DAB2IP: variants seen among roughly 807,000 people sequenced by gnomAD.
DAB2IP encodes DAB2 interacting protein.
DAB2IP carries 28 observed loss-of-function variants against 107.2 expected under a neutral mutation model. That is an observed-to-expected ratio of 0.26 (90% CI 0.19 to 0.36). DAB2IP has a LOEUF of 0.36. DAB2IP is among the 10% of genes least tolerant of loss of function. The pLI is 1.00. For missense variants in DAB2IP, 1,400 were observed against 1,644.7 expected, an observed-to-expected ratio of 0.85 and a Z score of 2.57; for synonymous variants, 755 against 706.4, an observed-to-expected ratio of 1.07 and a Z score of -1.09.
In DAB2IP at chr9:121,760,326, A is replaced by G. The variant is rs1221752941; in HGVS notation, c.1057A>G (p.Thr353Ala). The stretch of plus-strand genomic sequence containing the variant: ...GTACAAAGAGTTCGCTGAGCACATC[A>G]CCAACCACTACCTGGGGCTGTGTGC... Residue 353 changes from threonine to alanine, a missense_variant, in exon 6 of 16, where the codon ACC (threonine) becomes GCC (alanine). By Grantham distance (58) the Thr-to-Ala change is moderately conservative. Transcript: ENST00000408936. The surrounding 1 kb of genome is among the most constrained non-coding windows in gnomAD (Gnocchi z 5.9). 6.2e-7 allele frequency: 1 copy of G among 1,613,310 alleles called. No homozygotes were observed. Among genetic ancestry groups the G allele is most frequent in the Non-Finnish European group, 8.5e-7 (1 of 1,180,026 alleles).
At chr9:121,629,262 GA>G (rs1266010546) in intron 1 of DAB2IP, among the ~76,000 whole-genome samples, 2 of 152,226 alleles carry the variant, frequency 1.3e-5, no homozygotes, top group Non-Finnish European at 2.9e-5. Flanking sequence ...TTGAGGGCAT[GA>G]CCCAAGTTGG....
chr9:121,592,120 C>G (rs1197631258), intron 1 of DAB2IP, among the ~76,000 whole-genome samples: 3 of 152,172 alleles, frequency 2.0e-5, no homozygotes, highest in Admixed American at 6.5e-5. Flanking sequence ...ATAATCCCAG[C>G]ACTTTGGGAG....
At chr9:121,734,383 C>CA (rs552116079) in intron 3 of DAB2IP, among the ~76,000 whole-genome samples, 1,480 of 56,536 alleles carry the variant, frequency 0.026, 60 homozygotes, top group African/African-American at 0.078. Flanking sequence ...GACTCCGTCT[C>CA]AAAAAAAAAA....
chr9:121,766,486 C>G lies in DAB2IP; in HGVS notation c.1461-8C>G, dbSNP rs755926495. 6.2e-7 allele frequency: 1 copy of G among 1,603,178 alleles called. No homozygotes were observed. The highest frequency in any genetic ancestry group is 1.1e-5 in the South Asian group (1 of 91,042). ...CAGCCAAGCCCACCTTTGTCTGTCC[C>G]TACACAGTGTCTTCCCACGGGAGTT... On this transcript the variant is annotated splice_polypyrimidine_tract_variant and splice_region_variant and intron_variant, in intron 8 of 15. Transcript: ENST00000408936.
upstream of DAB2IP, among the ~76,000 whole-genome samples, chr9:121,647,002 A>G (rs1236291934): frequency 6.6e-6 from 1 of 152,116 alleles, no homozygotes; most frequent in Non-Finnish European, 1.5e-5. Context: ...TGTGGGTAGA[A>G]TGCTGAGAAC....
intron 1 of DAB2IP, among the ~76,000 whole-genome samples, chr9:121,637,672 C>T (rs1182951359): frequency 1.3e-5 from 2 of 152,186 alleles, no homozygotes; most frequent in South Asian, 2.1e-4. Flanking sequence ...CTTGGAATTC[C>T]GCGTTGCCTG....
intron 3 of DAB2IP, among the ~76,000 whole-genome samples, chr9:121,741,848 C>T (rs1437586153): frequency 6.6e-6 from 1 of 150,896 alleles, no homozygotes; most frequent in Non-Finnish European, 1.5e-5. Flanking sequence ...TCTCGGCAAT[C>T]CTATGAGGTA....
At chr9:121,683,407 T>C (rs761203176) in intron 2 of DAB2IP, among the ~76,000 whole-genome samples, 2 of 151,974 alleles carry the variant, frequency 1.3e-5, no homozygotes, top group Non-Finnish European at 2.9e-5. Context: ...CCCCCTCCCA[T>C]CAACCTTGAG....
intron 1 of DAB2IP, among the ~76,000 whole-genome samples, chr9:121,590,147 T>G (rs1830397006): frequency 6.6e-6 from 1 of 151,660 alleles, no homozygotes; most frequent in Non-Finnish European, 1.5e-5. Flanking sequence ...TCTGACATCA[T>G]CTCATTCTCT....
intron 3 of DAB2IP, among the ~76,000 whole-genome samples, chr9:121,729,396 T>C (rs1346180380): frequency 6.6e-6 from 1 of 152,202 alleles, no homozygotes; most frequent in Admixed American, 6.5e-5. Flanking sequence ...AATTTGGGGC[T>C]GGGCAGGAGG....
rs1829669624 is a variant in DAB2IP at position 121,699,810 on chromosome 9, G to A, written c.362+352G>A. On this transcript the variant is annotated intron_variant, in intron 3 of 15. Transcript: ENST00000408936. The surrounding 1 kb of genome is among the most constrained non-coding windows in gnomAD (Gnocchi z 6.2). Reference sequence around the variant, plus strand: ...GGTGCCCGAACCGGGGACGGAAGTGGGGCCTCTGCCGCCAGGACCCATCCC... The same window carrying A: ...GGTGCCCGAACCGGGGACGGAAGTGAGGCCTCTGCCGCCAGGACCCATCCC... Among the ~76,000 whole-genome samples, 1 of 152,214 alleles carries A rather than the reference G, an allele frequency of 6.6e-6. No homozygotes were observed. The highest frequency in any genetic ancestry group is 2.4e-5 in the African/African-American group (1 of 41,470).
At chr9:121,743,893 C>T (rs1832531660) in intron 3 of DAB2IP, among the ~76,000 whole-genome samples, 1 of 152,220 alleles carries the variant, frequency 6.6e-6, no homozygotes, top group Non-Finnish European at 1.5e-5. Context: ...ACGCAGACAT[C>T]CACTGCCGGC....
chr9:121,783,550 A>G (rs1269424750), exon 16 of DAB2IP: 2 of 1,614,020 alleles, frequency 1.2e-6, no homozygotes, highest in Non-Finnish European at 1.7e-6. Flanking sequence ...CATTAGAAAC[A>G]AAAGCCCGCT....
intron 3 of DAB2IP, among the ~76,000 whole-genome samples, chr9:121,706,551 G>T (rs541590276): frequency 3.6e-4 from 55 of 152,170 alleles, no homozygotes; most frequent in Non-Finnish European, 6.2e-4. Context: ...CCCTGCCTCT[G>T]TGTGACTATG....
chr9:121,651,699 CG>C lies in DAB2IP; in HGVS notation c.-76del. ...GAGCGCGGGAGAACGCGTGGGCGCC[CG>C]CCGGGCTGTCCGGAGCGGCCGATGG... On this transcript the variant is annotated 5_prime_UTR_variant, in exon 1 of 16. Coordinates refer to ENST00000408936, the Ensembl canonical transcript of DAB2IP. The surrounding 1 kb of genome is among the most constrained non-coding windows in gnomAD (Gnocchi z 5.1). 1.8e-6 allele frequency: 2 copies of C among 1,142,344 alleles called. No individual in the cohort carries two copies. Among genetic ancestry groups the C allele is most frequent in the Non-Finnish European group, 2.1e-6 (2 of 931,474 alleles). The allele number at this position is 1,142,344 out of a possible 1,614,324, so 70.8% of individuals were successfully genotyped here. A position where few individuals can be genotyped will look rare whatever the true frequency, so the allele number is the denominator to read the frequency against.
chr9:121,714,498 G>A (rs571826678), intron 3 of DAB2IP, among the ~76,000 whole-genome samples: 32 of 152,242 alleles, frequency 2.1e-4, no homozygotes, highest in African/African-American at 7.2e-4. Flanking sequence ...CTTTTAGGGC[G>A]GGGCACCGAT....
intron 3 of DAB2IP, among the ~76,000 whole-genome samples, chr9:121,733,919 C>G (rs552081007): frequency 2.0e-5 from 3 of 152,308 alleles, no homozygotes; most frequent in East Asian, 3.9e-4. Flanking sequence ...TGTGCAGGGA[C>G]AGGTAGGACC....
chr9:121,746,628 G>A (rs1832738820), intron 3 of DAB2IP, among the ~76,000 whole-genome samples: 1 of 152,154 alleles, frequency 6.6e-6, no homozygotes, highest in South Asian at 2.1e-4. Flanking sequence ...GAGATGAGAT[G>A]GAAGAAGATG....
chr9:121,635,375 C>G lies in DAB2IP; in HGVS notation c.41-43303C>G, dbSNP rs1283301365. On this transcript the variant is annotated intron_variant, in intron 1 of 16. Transcript: ENST00000259371. The surrounding 1 kb of genome is among the most constrained non-coding windows in gnomAD (Gnocchi z 4.3). The stretch of plus-strand genomic sequence containing the variant: ...CATCCTTATTTTACCACCAGGAGCA[C>G]CAAGTTCTAGAGTAAATCTGTGAAG... Among the ~76,000 whole-genome samples the G allele has an allele frequency of 6.6e-6, 1 of 152,172 alleles. No homozygotes were observed. Among genetic ancestry groups the G allele is most frequent in the Admixed American group, 6.5e-5 (1 of 15,280 alleles).
Sources: gnomAD v4.1 joint callset for allele counts (sites outside exome capture counted in the v4.1 genomes callset) on GRCh38, gnomAD v4.1.1 for gene constraint, Gnocchi (gnomAD v3.1) non-coding constraint, MANE v1.5 for transcripts, NCBI Gene and HGNC (gene_info 2026-07-23, HGNC 2026-07-21) for gene names.